The following ZNF141 variants were observed in gnomAD, a reference collection of about 807,000 sequenced individuals.
The protein encoded by ZNF141 is zinc finger protein 141, also known as zinc finger protein 141 (clone pHZ-44).
A neutral mutation model predicts 11.3 loss-of-function variants in ZNF141; 7 were observed. The observed-to-expected ratio is 0.62, with a 90% confidence interval of 0.35 to 1.16. The LOEUF is 1.16. Among genes scored for constraint, ZNF141 ranks in the 50% most tolerant of loss-of-function variants. The pLI is 0.02. For missense variants in ZNF141, 535 were observed against 554.0 expected (o/e 0.97, Z 0.34); for synonymous variants, 183 against 190.7 (o/e 0.96, Z 0.33).
intron 3 of ZNF141, among the ~76,000 whole-genome samples, chr4:346,521 C>T (rs566084059): frequency 1.3e-5 from 2 of 152,252 alleles, no homozygotes; most frequent in Admixed American, 6.5e-5. Flanking sequence ...ATAGTATTAA[C>T]TATGAATACA....
At chr4:369,820 G>T (rs1553853352) in intron 3 of ZNF141, among the ~76,000 whole-genome samples, 1 of 132,224 alleles carries the variant, frequency 7.6e-6, no homozygotes, top group East Asian at 2.3e-4. Context: ...AGGCTGAAGT[G>T]CAATGGCATG....
chr4:359,436 C>T (rs1403531969), intron 3 of ZNF141, among the ~76,000 whole-genome samples: 4 of 152,158 alleles, frequency 2.6e-5, no homozygotes, highest in Non-Finnish European at 5.9e-5. Context: ...TCTAGATGAC[C>T]GTTACTGAGC....
intron 3 of ZNF141, among the ~76,000 whole-genome samples, chr4:357,986 T>G (rs1274031185): frequency 6.6e-6 from 1 of 152,014 alleles, no homozygotes; most frequent in Non-Finnish European, 1.5e-5. Flanking sequence ...CCCGAAGTGC[T>G]GGGATTACAG....
intron 3 of ZNF141, among the ~76,000 whole-genome samples, chr4:360,054 T>G (rs1553851916): frequency 6.6e-6 from 1 of 152,224 alleles, no homozygotes; most frequent in Non-Finnish European, 1.5e-5. Context: ...TAATTACATT[T>G]CATTCTGTAT....
chr4:358,327 A>G (rs1721947613), intron 3 of ZNF141: 3 of 354,784 alleles, frequency 8.5e-6, no homozygotes, highest in Non-Finnish European at 1.6e-5. Flanking sequence ...AGCTGGGATT[A>G]GTCATGAGCC....
At chr4:358,963 T>C (rs985589181) in intron 3 of ZNF141, among the ~76,000 whole-genome samples, 2 of 152,214 alleles carry the variant, frequency 1.3e-5, no homozygotes, top group Admixed American at 1.3e-4. Flanking sequence ...TCCTGGAGCA[T>C]TTTTAGTTTC....
chr4:342,352 G>C (rs950959523), intron 1 of ZNF141, among the ~76,000 whole-genome samples: 1 of 152,210 alleles, frequency 6.6e-6, no homozygotes, highest in Non-Finnish European at 1.5e-5. Context: ...AGGGTCTGCA[G>C]AGAATGCCAT....
In ZNF141 at chr4:374,102, A is replaced by G; in HGVS notation, c.*240A>G. 5 of 534,734 alleles carry G rather than the reference A, an allele frequency of 9.4e-6. No homozygotes were observed. Among genetic ancestry groups the G allele is most frequent in the Non-Finnish European group, 1.7e-5 (5 of 300,634 alleles). The allele number at this position is 534,734 out of a possible 1,614,324, so 33.1% of individuals were successfully genotyped here. A position where few individuals can be genotyped will look rare whatever the true frequency, so the allele number is the denominator to read the frequency against. ...CCACAAACCTGAATGAGCAGAAGAAAATTATTACTGGAGATAAACCCTGCA... is the reference window on the plus strand; with the variant it reads ...CCACAAACCTGAATGAGCAGAAGAAGATTATTACTGGAGATAAACCCTGCA... On this transcript the variant is annotated 3_prime_UTR_variant, in exon 4 of 4. Transcript: ENST00000240499.
intron 1 of ZNF141, 61 bp downstream of exon 1, chr4:338,047 TGGC>T (rs1420089455): frequency 3.7e-6 from 6 of 1,608,398 alleles, no homozygotes; most frequent in African/African-American, 1.3e-5. Context: ...TGGCGGGAAA[TGGC>T]GGCGGGACCG....
Position 375,628 on chromosome 4 carries a change from A to G in ZNF141, c.*1766A>G, listed in dbSNP as rs1251536221. On this transcript the variant is annotated 3_prime_UTR_variant, in exon 4 of 4. Transcript: ENST00000240499. Reference sequence around the variant, plus strand: ...AACCTATTAGAGAATTTCTTTGTATATAAGTTGAAAAGAAGATTTTTGAAG... The same window carrying G: ...AACCTATTAGAGAATTTCTTTGTATGTAAGTTGAAAAGAAGATTTTTGAAG... 2.6e-5 allele frequency among the ~76,000 whole-genome samples: 4 copies of G among 152,088 alleles called. No individual in the cohort carries two copies. The highest frequency in any genetic ancestry group is 4.4e-5 in the Non-Finnish European group (3 of 67,922).
rs1712486873 is a variant in ZNF141, at chr4:378,832, G to T, written c.*4970G>T. Among the ~76,000 whole-genome samples the T allele has an allele frequency of 8.2e-6, 1 of 121,376 alleles. No individual in the cohort carries two copies. Among genetic ancestry groups the T allele is most frequent in the African/African-American group, 3.5e-5 (1 of 28,768 alleles). The allele number at this position is 121,376 out of a possible 152,430, so 79.6% of individuals were successfully genotyped here. A position where few individuals can be genotyped will look rare whatever the true frequency, so the allele number is the denominator to read the frequency against. On this transcript the variant is annotated 3_prime_UTR_variant, in exon 4 of 4. Coordinates refer to ENST00000240499, the MANE Select transcript of ZNF141 (RefSeq NM_003441.4). The stretch of plus-strand genomic sequence containing the variant: ...GCTGTTGAATCCAAACAGTTTCTCA[G>T]TGATTTTTTTTTTTTTTTTTTTTTT...
intron 3 of ZNF141, among the ~76,000 whole-genome samples, chr4:345,147 G>T (rs1416562509): frequency 6.6e-6 from 1 of 152,060 alleles, no homozygotes; most frequent in Non-Finnish European, 1.5e-5. Context: ...TGGACATAGT[G>T]GGATTTGGTT....
intron 3 of ZNF141, among the ~76,000 whole-genome samples, chr4:369,754 A>ATTTT (rs1560196750): frequency 2.8e-4 from 10 of 35,488 alleles, no homozygotes; most frequent in African/African-American, 1.3e-3. Context: ...ATATATATAT[A>ATTTT]TATATATATA....
At chr4:340,631 G>T (rs1376031239) in intron 1 of ZNF141, among the ~76,000 whole-genome samples, 1 of 152,200 alleles carries the variant, frequency 6.6e-6, no homozygotes, top group Admixed American at 6.5e-5. Flanking sequence ...GAGAAGAACA[G>T]AACTTTTGTT....
Position 377,727 on chromosome 4 carries a change from TTGTA to T in ZNF141, c.*3868_*3871del, listed in dbSNP as rs781907161. Among the ~76,000 whole-genome samples, 21 of 152,148 alleles carry T rather than the reference TTGTA, an allele frequency of 1.4e-4. No homozygotes were observed. Among genetic ancestry groups the T allele is most frequent in the Admixed American group, 3.9e-4 (6 of 15,264 alleles). On this transcript the variant is annotated 3_prime_UTR_variant, in exon 4 of 4. Coordinates refer to ENST00000240499, the MANE Select transcript of ZNF141 (RefSeq NM_003441.4). ...TTTTTCTGTGTTTGTAAAAGAAAAA[TTGTA>T]TGAGATTCTATCATAAAGTGTGTAA... is the stretch of plus-strand genomic sequence containing the variant.
chr4:338,885 G>A (rs1451238013), intron 1 of ZNF141, among the ~76,000 whole-genome samples: 9 of 152,228 alleles, frequency 5.9e-5, no homozygotes, highest in Non-Finnish European at 1.2e-4. Flanking sequence ...GCTGAGCCTG[G>A]GCTGGAGGGA....
chr4:372,885 A>G lies in ZNF141; in HGVS notation c.448A>G (p.Ser150Gly), dbSNP rs782507466. 1 of 1,613,398 alleles carries G rather than the reference A, an allele frequency of 6.2e-7. No individual in the cohort carries two copies. The highest frequency in any genetic ancestry group is 8.5e-7 in the Non-Finnish European group (1 of 1,179,490). ...TQSKILQCKA[S>G]VKVVSKFSNS... ...GAGCAAAATACTTCAGTGTAAAGCA[A>G]GTGTCAAAGTTGTTAGTAAATTTTC... The change falls in exon 4 of 4, where the codon AGT becomes GGT. Residue 150 changes from serine (S) to glycine (G), a missense_variant. By Grantham distance (56) the Ser-to-Gly change is moderately conservative (BLOSUM62 0). Transcript: ENST00000240499.
chr4:362,939 A>T (rs1401480655), intron 3 of ZNF141, among the ~76,000 whole-genome samples: 5 of 152,162 alleles, frequency 3.3e-5, no homozygotes, highest in African/African-American at 1.2e-4. Context: ...CTTGATGAGG[A>T]TGGCATTGAA....
At position 375,663 on chromosome 4, in the gene ZNF141, A is replaced by G. The variant is rs1441523180; in HGVS notation, c.*1801A>G. 1.3e-5 allele frequency among the ~76,000 whole-genome samples: 2 copies of G among 152,208 alleles called. No homozygotes were observed. The highest frequency in any genetic ancestry group is 2.1e-4 in the South Asian group (1 of 4,830). On this transcript the variant is annotated 3_prime_UTR_variant, in exon 4 of 4. Coordinates refer to ENST00000240499, the MANE Select transcript of ZNF141 (RefSeq NM_003441.4). The stretch of plus-strand genomic sequence containing the variant: ...AAGAAGATTTTTGAAGAGATACTAC[A>G]TTTAAAGTATATTTTTTCACTTGAA...
Sources: allele counts gnomAD v4.1 joint callset (sites outside exome capture counted in the v4.1 genomes callset), GRCh38; gene constraint gnomAD v4.1.1; transcripts MANE v1.5; gene names NCBI Gene and HGNC (gene_info 2026-07-23, HGNC 2026-07-21).